CSGALNACT1: variants seen among roughly 807,000 people sequenced by gnomAD.
CSGALNACT1 encodes the protein chondroitin sulfate N-acetylgalactosaminyltransferase 1, also known as beta4GalNAcT-1.
CSGALNACT1 carries 52 observed loss-of-function variants against 51.0 expected under a neutral mutation model. The observed-to-expected ratio is 1.02, with a 90% CI of 0.82 to 1.29. The LOEUF is 1.29. Among genes scored for constraint, CSGALNACT1 ranks in the 50% most tolerant of loss-of-function variants. The pLI is 0.00. For missense variants in CSGALNACT1, 935 were observed against 679.2 expected (o/e 1.38, Z -4.19); for synonymous variants, 341 against 254.4 (o/e 1.34, Z -3.24).
At chr8:19,488,361 TTATATATACATATATATATATATA>T (rs1172598340) in intron 4 of CSGALNACT1, among the ~76,000 whole-genome samples, 1 of 89,836 alleles carries the variant, frequency 1.1e-5, no homozygotes, top group Non-Finnish European at 2.2e-5. Context: ...TTATATATAT[TTATATATACATATATATATATATA>T]TATATATATA....
At chr8:19,498,536 C>T (rs1319606961) in intron 4 of CSGALNACT1, among the ~76,000 whole-genome samples, 4 of 152,138 alleles carry the variant, frequency 2.6e-5, no homozygotes, top group Admixed American at 2.0e-4. Flanking sequence ...ACGGAGAACA[C>T]ATGTCCTTCC....
intron 4 of CSGALNACT1, among the ~76,000 whole-genome samples, chr8:19,482,283 A>T (rs996949367): frequency 2.0e-5 from 3 of 152,252 alleles, no homozygotes; most frequent in Non-Finnish European, 4.4e-5. Flanking sequence ...TTAATTGTAT[A>T]TGATTTTAAT....
At chr8:19,409,512 G>T (rs1029229169) in intron 8 of CSGALNACT1, among the ~76,000 whole-genome samples, 8 of 152,064 alleles carry the variant, frequency 5.3e-5, no homozygotes, top group African/African-American at 1.9e-4. Flanking sequence ...GAGAGAGAGA[G>T]AGAGAGAGAA....
intron 1 of CSGALNACT1, among the ~76,000 whole-genome samples, chr8:19,644,807 C>T (rs568341549): frequency 6.6e-6 from 1 of 151,138 alleles, no homozygotes; most frequent in South Asian, 2.1e-4. Flanking sequence ...CTAAAAATGA[C>T]CTCAGGTACC....
chr8:19,636,753 C>A (rs1167185883), intron 1 of CSGALNACT1, among the ~76,000 whole-genome samples: 1 of 152,172 alleles, frequency 6.6e-6, no homozygotes, highest in Non-Finnish European at 1.5e-5. Context: ...ACTTTAGAGT[C>A]TTCCTTCTCC....
At chr8:19,504,889 T>A (rs548011841) in intron 4 of CSGALNACT1, among the ~76,000 whole-genome samples, 3 of 152,362 alleles carry the variant, frequency 2.0e-5, no homozygotes, top group African/African-American at 7.2e-5. Flanking sequence ...AAGTGCCCTG[T>A]CATATTTTAT....
At chr8:19,633,341 C>A (rs1464068992) in intron 1 of CSGALNACT1, among the ~76,000 whole-genome samples, 1 of 152,098 alleles carries the variant, frequency 6.6e-6, no homozygotes, top group Non-Finnish European at 1.5e-5. Context: ...ACTACTCTCA[C>A]CCACACTACA....
chr8:19,512,739 GC>G (rs1327280187), intron 3 of CSGALNACT1, among the ~76,000 whole-genome samples: 1 of 152,132 alleles, frequency 6.6e-6, no homozygotes, highest in Non-Finnish European at 1.5e-5. Context: ...TTGACTTGAA[GC>G]CCAATATGCT....
intron 1 of CSGALNACT1, among the ~76,000 whole-genome samples, chr8:19,651,331 T>C (rs1266051195): frequency 6.6e-6 from 1 of 152,180 alleles, no homozygotes; most frequent in Non-Finnish European, 1.5e-5. Context: ...AAACAGCCTG[T>C]TGCAGACATT....
chr8:19,667,040 G>GAAGA lies in CSGALNACT1; in HGVS notation c.-544+15429_-544+15432dup, dbSNP rs1177939899. On this transcript the variant is annotated intron_variant, in intron 1 of 9. Transcript: ENST00000332246. ...GAAAGGAAGGAAGGAAGGAAGGAAG[G>GAAGA]AAGAAAGAAAGAAAGAAAGAAAGAA... Among the ~76,000 whole-genome samples, 333 of 34,700 alleles carry GAAGA rather than the reference G, an allele frequency of 9.6e-3. 11 individuals carry two copies. The highest frequency in any genetic ancestry group is 0.02 in the East Asian group (22 of 1,106). 22.8% of individuals were successfully genotyped at this position (34,700 alleles called of 152,430 possible).
intron 3 of CSGALNACT1, among the ~76,000 whole-genome samples, chr8:19,521,583 T>C (rs2154030718): frequency 6.6e-6 from 1 of 152,192 alleles, no homozygotes; most frequent in East Asian, 1.9e-4. Flanking sequence ...TTCAGGAGGC[T>C]GAGGCAGGAG....
At chr8:19,600,621 G>A (rs1435618041) in intron 2 of CSGALNACT1, among the ~76,000 whole-genome samples, 1 of 152,100 alleles carries the variant, frequency 6.6e-6, no homozygotes, top group Admixed American at 6.6e-5. Context: ...GGATTTGGGA[G>A]GAATTCTCCT....
At chr8:19,659,952 G>A (rs1255806544) in intron 1 of CSGALNACT1, among the ~76,000 whole-genome samples, 3 of 152,228 alleles carry the variant, frequency 2.0e-5, no homozygotes, top group African/African-American at 7.2e-5. Flanking sequence ...CTTATTATAT[G>A]CTAGACTCTA....
At chr8:19,541,792 A>G (rs1469464390) in intron 3 of CSGALNACT1, among the ~76,000 whole-genome samples, 1 of 151,952 alleles carries the variant, frequency 6.6e-6, no homozygotes, top group Non-Finnish European at 1.5e-5. Context: ...GTATTTTGTA[A>G]TAAAACATGT....
chr8:19,471,827 T>G (rs76341759), intron 4 of CSGALNACT1, among the ~76,000 whole-genome samples: 1 of 152,318 alleles, frequency 6.6e-6, no homozygotes, highest in African/African-American at 2.4e-5. Flanking sequence ...TAAGTCTAAC[T>G]TGCTCCAGGT....
At chr8:19,405,766 C>A (rs2054010421) in exon 10 of CSGALNACT1, 1 of 1,614,054 alleles carries the variant, frequency 6.2e-7, no homozygotes, top group Non-Finnish European at 8.5e-7. Context: ...CTCCCACAAT[C>A]CTTCTCTGGG....
chr8:19,516,107 A>G (rs1354101405), intron 3 of CSGALNACT1, among the ~76,000 whole-genome samples: 1 of 152,062 alleles, frequency 6.6e-6, no homozygotes, highest in Non-Finnish European at 1.5e-5. Context: ...CAGCCTTCCA[A>G]CACCCTCCCC....
At chr8:19,619,103 G>A (rs140887131) in intron 1 of CSGALNACT1, among the ~76,000 whole-genome samples, 15 of 152,158 alleles carry the variant, frequency 9.9e-5, no homozygotes, top group African/African-American at 2.6e-4. Flanking sequence ...ATGAGAAAGC[G>A]TGTACAGGGC....
intron 1 of CSGALNACT1, among the ~76,000 whole-genome samples, chr8:19,721,077 C>T (rs1433779292): frequency 6.6e-6 from 1 of 152,204 alleles, no homozygotes; most frequent in Non-Finnish European, 1.5e-5. Context: ...ACAGTATAGC[C>T]AGCCCTCTCC....
Sources: gnomAD v4.1 joint callset for allele counts (sites outside exome capture counted in the v4.1 genomes callset) on GRCh38, gnomAD v4.1.1 for gene constraint, MANE v1.5 for transcripts, NCBI Gene and HGNC (gene_info 2026-07-23, HGNC 2026-07-21) for gene names.